The following FAT3 variants were observed in gnomAD, a reference collection of about 807,000 sequenced individuals.
The protein encoded by FAT3 is protocadherin Fat 3.
In FAT3, 95 loss-of-function variants were observed where a neutral mutation model predicts 310.2. That is an observed-to-expected ratio of 0.31 (90% CI 0.26 to 0.36). FAT3 has a LOEUF of 0.36. FAT3 is among the 10% of genes least tolerant of loss of function. The probability of loss-of-function intolerance (pLI) is 1.00; values close to 1 mark genes in which losing one functional copy is unlikely to be tolerated. For missense variants in FAT3, 5,408 were observed against 5,715.6 expected (o/e 0.95, Z 1.74); for synonymous variants, 2,314 against 2,192.9 (o/e 1.06, Z -1.54).
intron 2 of FAT3, among the ~76,000 whole-genome samples, chr11:92,435,738 T>A (rs1353442866): frequency 2.6e-4 from 40 of 151,892 alleles, no homozygotes. Flanking sequence ...CTCTAATTGT[T>A]GTATTTTTAG....
At chr11:92,230,609 T>A (rs992923267) in intron 1 of FAT3, among the ~76,000 whole-genome samples, 29 of 152,296 alleles carry the variant, frequency 1.9e-4, no homozygotes, top group East Asian at 3.9e-4. Context: ...ATTTATTTTT[T>A]AAAAAAATTA....
rs371098702 is a variant in FAT3, at chr11:92,571,755, CTT to C, written c.3607+46808_3607+46809del. Among the ~76,000 whole-genome samples, 596 of 152,254 alleles carry C rather than the reference CTT, an allele frequency of 3.9e-3. 4 individuals are homozygous for C. Among genetic ancestry groups the C allele is most frequent in the African/African-American group, 0.013 (558 of 41,552 alleles). ...AGCACTTAGCTCTTCTTTCCTGGTT[CTT>C]AGTTTTCTTTATCTATATCTCCCTT... On this transcript the variant is annotated intron_variant, in intron 3 of 27. Transcript: ENST00000525166.
chr11:92,497,550 G>A (rs1952801365), intron 2 of FAT3, among the ~76,000 whole-genome samples: 1 of 152,058 alleles, frequency 6.6e-6, no homozygotes, highest in African/African-American at 2.4e-5. Context: ...TGTGAGAAAT[G>A]TAATAGTTGG....
At chr11:92,382,770 G>A (rs1949526452) in intron 2 of FAT3, among the ~76,000 whole-genome samples, 1 of 152,208 alleles carries the variant, frequency 6.6e-6, no homozygotes, top group Non-Finnish European at 1.5e-5. Context: ...TTAAAGAGTG[G>A]TCCGCATGGA....
At chr11:92,399,706 A>G (rs1251376302) in intron 2 of FAT3, among the ~76,000 whole-genome samples, 6 of 152,262 alleles carry the variant, frequency 3.9e-5, no homozygotes, top group African/African-American at 1.2e-4. Flanking sequence ...ATGGAGAGCA[A>G]TGGTTGATTT....
chr11:92,631,812 A>C (rs1033669542), intron 3 of FAT3, among the ~76,000 whole-genome samples: 4 of 152,172 alleles, frequency 2.6e-5, no homozygotes, highest in Admixed American at 6.5e-5. Context: ...AGTGGAGCTC[A>C]GAGCACTGAG....
chr11:92,766,439 G>T (rs544419219), intron 6 of FAT3, among the ~76,000 whole-genome samples: 48 of 152,308 alleles, frequency 3.2e-4, no homozygotes, highest in African/African-American at 1.1e-3. Flanking sequence ...CCCAGGAATG[G>T]CTGTACTTGG....
chr11:92,585,344 C>T (rs1939079474), intron 3 of FAT3, among the ~76,000 whole-genome samples: 1 of 151,972 alleles, frequency 6.6e-6, no homozygotes, highest in Admixed American at 6.6e-5. Context: ...ATGTACAAAG[C>T]CACACAACAG....
In FAT3 at chr11:92,798,792, T is replaced by C; in HGVS notation, c.5779T>C (p.Leu1927=). The change falls in exon 10 of 28, where the codon TTG becomes CTG. Residue 1927 remains leucine, a synonymous_variant. Coordinates refer to ENST00000525166, the MANE Select transcript of FAT3 (RefSeq NM_001367949.2). ...ELTYSLMEGS[L]DHFLIDSNSG... is the part of the protein sequence containing the mutation. ...GACATACAGCCTAATGGAAGGCAGT[T>C]TGGATCATTTTTTAATTGACTCAAA... is the stretch of plus-strand genomic sequence containing the variant. 6.2e-7 allele frequency: 1 copy of C among 1,613,790 alleles called. No homozygotes were observed. The highest frequency in any genetic ancestry group is 8.5e-7 in the Non-Finnish European group (1 of 1,179,836).
chr11:92,678,566 C>T (rs1187857627), intron 3 of FAT3, among the ~76,000 whole-genome samples: 1 of 152,156 alleles, frequency 6.6e-6, no homozygotes, highest in African/African-American at 2.4e-5. Context: ...TTGGGAGAAA[C>T]TTTCAACTGA....
At chr11:92,229,688 C>T (rs1393828793) in intron 1 of FAT3, among the ~76,000 whole-genome samples, 3 of 151,154 alleles carry the variant, frequency 2.0e-5, no homozygotes, top group Non-Finnish European at 4.4e-5. Context: ...AATAGGCTAT[C>T]AGTTACATGT....
chr11:92,790,960 G>A (rs1452341496), intron 8 of FAT3, among the ~76,000 whole-genome samples: 3 of 152,288 alleles, frequency 2.0e-5, no homozygotes, highest in Non-Finnish European at 4.4e-5. Context: ...TTAAGACCAG[G>A]TAGAAGGACA....
chr11:92,886,050 T>C (rs994122160), intron 24 of FAT3, among the ~76,000 whole-genome samples: 1 of 152,212 alleles, frequency 6.6e-6, no homozygotes, highest in East Asian at 1.9e-4. Context: ...CTTTGTACCA[T>C]TGCGTTACAT....
At chr11:92,520,252 A>G (rs1478651101) in intron 2 of FAT3, among the ~76,000 whole-genome samples, 3 of 152,172 alleles carry the variant, frequency 2.0e-5, no homozygotes, top group Non-Finnish European at 4.4e-5. Context: ...TACAGACTAT[A>G]TTATTTAAGT....
intron 2 of FAT3, among the ~76,000 whole-genome samples, chr11:92,424,823 A>G (rs1950597042): frequency 1.3e-5 from 2 of 152,182 alleles, no homozygotes; most frequent in Non-Finnish European, 2.9e-5. Context: ...CTTGGAAAAC[A>G]CTGAAGACAT....
chr11:92,354,556 G>C lies in FAT3; in HGVS notation c.2444G>C (p.Arg815Thr). 6.2e-7 allele frequency: 1 copy of C among 1,613,840 alleles called. No homozygotes were observed. Among genetic ancestry groups the C allele is most frequent in the Non-Finnish European group, 8.5e-7 (1 of 1,179,858 alleles). ...DLGNPQKSSW[R>T]LLTINVEDAN... is the part of the protein sequence containing the mutation. ...GGTAATCCACAGAAATCGTCATGGA[G>C]ACTGCTGACCATCAATGTGGAGGAT... The change falls in exon 2 of 28, where the codon AGA (arginine) becomes ACA (threonine). Residue 815 changes from arginine to threonine, a missense_variant. Physicochemically the swap from Arg to Thr is moderately conservative, Grantham distance 71. Coordinates refer to ENST00000525166, the MANE Select transcript of FAT3 (RefSeq NM_001367949.2).
At position 92,556,442 on chromosome 11, in the gene FAT3, A is replaced by G. The variant is rs539370096; in HGVS notation, c.3607+31494A>G. 7.1e-4 allele frequency among the ~76,000 whole-genome samples: 108 copies of G among 152,230 alleles called. 1 individual carries two copies. The highest frequency in any genetic ancestry group is 1.0e-3 in the Non-Finnish European group (71 of 68,026). On this transcript the variant is annotated intron_variant, in intron 3 of 27. Coordinates refer to ENST00000525166, the MANE Select transcript of FAT3 (RefSeq NM_001367949.2). ...ATTCTTCAGCCCATTTCCTTGGCAA[A>G]GATGGTATGTTTTTATCAAGTCCTA...
intron 3 of FAT3, among the ~76,000 whole-genome samples, chr11:92,686,838 C>G (rs927636855): frequency 2.6e-5 from 4 of 152,170 alleles, no homozygotes; most frequent in Non-Finnish European, 5.9e-5. Context: ...GTAATTTGCA[C>G]TTTATCCATC....
At chr11:92,425,244 A>G (rs1489131239) in intron 2 of FAT3, among the ~76,000 whole-genome samples, 2 of 151,968 alleles carry the variant, frequency 1.3e-5, no homozygotes, top group Non-Finnish European at 2.9e-5. Flanking sequence ...TTTGAATTCT[A>G]GGATTATAGC....
Sources: allele counts gnomAD v4.1 joint callset (sites outside exome capture counted in the v4.1 genomes callset), GRCh38; gene constraint gnomAD v4.1.1; transcripts MANE v1.5; gene names NCBI Gene and HGNC (gene_info 2026-07-23, HGNC 2026-07-21).